The following DPP10 variants were observed in gnomAD, a reference collection of about 807,000 sequenced individuals.
The protein encoded by DPP10 is dipeptidyl peptidase like 10.
In DPP10, 33 loss-of-function variants were observed where a neutral mutation model predicts 120.9. That is an observed-to-expected ratio of 0.27 (90% CI 0.21 to 0.37). The LOEUF is 0.37. Among genes scored for constraint, DPP10 ranks in the 10% least tolerant of loss-of-function variants. DPP10 has a pLI of 1.00. For missense variants in DPP10, 816 were observed against 942.8 expected, an observed-to-expected ratio of 0.87 and a Z score of 1.76; for synonymous variants, 337 against 326.1, an observed-to-expected ratio of 1.03 and a Z score of -0.36.
intron 1 of DPP10, among the ~76,000 whole-genome samples, chr2:114,747,810 T>C (rs1678717239): frequency 6.6e-6 from 1 of 152,204 alleles, no homozygotes; most frequent in Non-Finnish European, 1.5e-5. Context: ...ACTTTGCACT[T>C]CTGTTCTAAA....
chr2:114,911,563 A>C (rs1694371535), intron 1 of DPP10, among the ~76,000 whole-genome samples: 1 of 152,212 alleles, frequency 6.6e-6, no homozygotes, highest in Admixed American at 6.5e-5. Flanking sequence ...CTTTGGATAC[A>C]GTTTTCAGAA....
intron 21 of DPP10, among the ~76,000 whole-genome samples, chr2:115,833,972 G>A (rs1441827750): frequency 6.6e-6 from 1 of 152,042 alleles, no homozygotes; most frequent in African/African-American, 2.4e-5. Context: ...CTACCTAAGG[G>A]AAAATTTAAA....
rs1191572142 is a variant in DPP10, at chr2:115,093,106, CAGTGA to C, written c.61-216130_61-216126del. On this transcript the variant is annotated intron_variant, in intron 1 of 25. Coordinates refer to ENST00000410059, the MANE Select transcript of DPP10 (RefSeq NM_020868.6). ...ATAAGGTGAAAGTCTAGCTTGAACT[CAGTGA>C]AGCAAACCAAAATAAGCAAAGATCC... Among the ~76,000 whole-genome samples the C allele has an allele frequency of 2.0e-5, 3 of 152,160 alleles. No individual in the cohort carries two copies. In the East Asian group the frequency reaches 5.8e-4, roughly 29 times the overall value.
intron 1 of DPP10, among the ~76,000 whole-genome samples, chr2:114,811,542 C>T (rs890584231): frequency 6.6e-6 from 1 of 152,032 alleles, no homozygotes; most frequent in Non-Finnish European, 1.5e-5. Context: ...CAATAACTTC[C>T]AATTCCAACT....
At chr2:114,662,043 G>A (rs1369030166) in intron 1 of DPP10, among the ~76,000 whole-genome samples, 2 of 150,670 alleles carry the variant, frequency 1.3e-5, no homozygotes, top group Non-Finnish European at 2.9e-5. Flanking sequence ...TCCAGGCCGC[G>A]CCCCGAGGCC....
chr2:115,167,417 A>C (rs2052967545), intron 1 of DPP10, among the ~76,000 whole-genome samples: 1 of 151,632 alleles, frequency 6.6e-6, no homozygotes, highest in South Asian at 2.1e-4. Context: ...AACAAACAAA[A>C]AACAAAAAAG....
At chr2:115,782,421 T>G in intron 17 of DPP10, 22 bp downstream of exon 17, 3 of 1,600,932 alleles carry the variant, frequency 1.9e-6, no homozygotes, top group South Asian at 2.2e-5. Context: ...AGAAGACAAT[T>G]AAGAATAGTT....
intron 1 of DPP10, among the ~76,000 whole-genome samples, chr2:115,082,791 T>C (rs1708382032): frequency 6.6e-6 from 1 of 152,172 alleles, no homozygotes; most frequent in African/African-American, 2.4e-5. Context: ...TGGCCCAGAC[T>C]AGAACCACTC....
intron 5 of DPP10, among the ~76,000 whole-genome samples, chr2:115,647,406 T>G (rs185471425): frequency 3.3e-5 from 5 of 152,284 alleles, no homozygotes. Flanking sequence ...AAACAATGGT[T>G]TAGCAGCTGG....
chr2:114,739,760 C>T (rs187325108), intron 1 of DPP10, among the ~76,000 whole-genome samples: 2 of 152,298 alleles, frequency 1.3e-5, no homozygotes, highest in Admixed American at 6.5e-5. Flanking sequence ...TAGGGAACTT[C>T]TCCATTGCAT....
rs558744581 is a variant in DPP10, at chr2:114,461,787, GA to G, written c.60+18952del. On this transcript the variant is annotated intron_variant, in intron 1 of 25. Transcript: ENST00000410059. ...GCCATCCGTAAATTGGAGGATTAGA[GA>G]AATAATATACACAAGTACCTGGTAC... The G allele has an allele frequency of 2.4e-4, 233 of 985,372 alleles. 2 individuals are homozygous for G. In the South Asian group the frequency reaches 5.4e-3, roughly 23 times the overall value. 61.0% of individuals were successfully genotyped at this position (985,372 alleles called of 1,614,324 possible).
At chr2:115,650,299 A>G (rs771779398) in intron 5 of DPP10, among the ~76,000 whole-genome samples, 58 of 151,794 alleles carry the variant, frequency 3.8e-4, no homozygotes, top group Admixed American at 2.6e-4. Context: ...TGATTATTCC[A>G]GGAACATCTA....
At chr2:114,477,937 GTATATATGTACATATATGTGTGTA>G (rs1680644849) in intron 1 of DPP10, among the ~76,000 whole-genome samples, 1 of 150,340 alleles carries the variant, frequency 6.7e-6, no homozygotes, top group African/African-American at 2.4e-5. Flanking sequence ...GTACATATGT[GTATATATGTACATATATGTGTGTA>G]TATGTATATA....
chr2:115,093,586 A>C (rs1709463927), intron 1 of DPP10, among the ~76,000 whole-genome samples: 2 of 152,094 alleles, frequency 1.3e-5, no homozygotes, highest in African/African-American at 4.8e-5. Flanking sequence ...GAAATAGTAC[A>C]TATCTAATAA....
intron 1 of DPP10, among the ~76,000 whole-genome samples, chr2:114,483,357 T>C (rs966829534): frequency 1.3e-5 from 2 of 152,086 alleles, no homozygotes; most frequent in African/African-American, 2.4e-5. Flanking sequence ...TCCTCTACCA[T>C]GTAGACAGTT....
intron 1 of DPP10, among the ~76,000 whole-genome samples, chr2:114,502,033 T>C (rs1267369789): frequency 6.6e-6 from 1 of 151,338 alleles, no homozygotes; most frequent in Non-Finnish European, 1.5e-5. Flanking sequence ...CCTCCTGGGT[T>C]CAAGTGGTTC....
At chr2:114,696,923 T>C (rs1700102293) in intron 1 of DPP10, among the ~76,000 whole-genome samples, 1 of 151,988 alleles carries the variant, frequency 6.6e-6, no homozygotes, top group Non-Finnish European at 1.5e-5. Flanking sequence ...ATTTCTACAA[T>C]GAAAAAATAC....
At chr2:115,401,477 G>C (rs1161947139) in intron 3 of DPP10, among the ~76,000 whole-genome samples, 1 of 152,036 alleles carries the variant, frequency 6.6e-6, no homozygotes, top group Non-Finnish European at 1.5e-5. Flanking sequence ...TAATTACTTG[G>C]GAGGTTGAAG....
At chr2:115,304,730 A>T (rs2061290509) in intron 1 of DPP10, among the ~76,000 whole-genome samples, 1 of 152,248 alleles carries the variant, frequency 6.6e-6, no homozygotes, top group African/African-American at 2.4e-5. Context: ...CCTTATGAAG[A>T]AAAGCAAATC....
Sources: allele counts gnomAD v4.1 joint callset (sites outside exome capture counted in the v4.1 genomes callset), GRCh38; gene constraint gnomAD v4.1.1; transcripts MANE v1.5; gene names NCBI Gene and HGNC (gene_info 2026-07-23, HGNC 2026-07-21).